Variants in PREP observed in about 807,000 individuals in gnomAD.
PREP encodes prolyl endopeptidase.
Under a neutral mutation model 87.6 loss-of-function variants are expected in PREP, and 29 were observed. The ratio of observed to expected loss-of-function variants is 0.33; its 90% CI spans 0.25 to 0.45. PREP has a LOEUF of 0.45. Among genes scored for constraint, PREP ranks in the 20% least tolerant of loss-of-function variants. The pLI is 1.00. For missense variants in PREP, 695 were observed against 886.5 expected, an observed-to-expected ratio of 0.78 and a Z score of 2.74; for synonymous variants, 337 against 328.6, an observed-to-expected ratio of 1.03 and a Z score of -0.28.
At chr6:105,306,125 G>A (rs1279190674) in intron 10 of PREP, among the ~76,000 whole-genome samples, 3 of 152,120 alleles carry the variant, frequency 2.0e-5, no homozygotes, top group South Asian at 2.1e-4. Flanking sequence ...TTACAAGCGT[G>A]AGCCACCTTG....
At chr6:105,310,200 T>C (rs900037919) in intron 10 of PREP, among the ~76,000 whole-genome samples, 4 of 152,316 alleles carry the variant, frequency 2.6e-5, no homozygotes, top group East Asian at 3.9e-4. Flanking sequence ...TAGCCAGGGA[T>C]TGTATTTTTC....
At chr6:105,304,280 C>T (rs1251704434) in intron 10 of PREP, among the ~76,000 whole-genome samples, 3 of 152,206 alleles carry the variant, frequency 2.0e-5, no homozygotes, top group Non-Finnish European at 4.4e-5. Flanking sequence ...AATGCCGTGC[C>T]ATTTTATATA....
chr6:105,392,048 T>TA (rs997338086), intron 2 of PREP, among the ~76,000 whole-genome samples: 1 of 149,968 alleles, frequency 6.7e-6, no homozygotes, highest in Non-Finnish European at 1.5e-5. Flanking sequence ...CAAATCTTTT[T>TA]TTTTTTTTTT....
chr6:105,355,866 A>T (rs968677425), intron 6 of PREP, among the ~76,000 whole-genome samples: 5 of 151,904 alleles, frequency 3.3e-5, no homozygotes, highest in African/African-American at 7.3e-5. Context: ...TAAACAGATA[A>T]TTTTTCATCT....
intron 8 of PREP, among the ~76,000 whole-genome samples, chr6:105,331,235 G>A (rs183511303): frequency 6.6e-6 from 1 of 152,226 alleles, no homozygotes; most frequent in African/African-American, 2.4e-5. Flanking sequence ...ATGAGTTCTA[G>A]TGAACACTGA....
Position 105,328,946 on chromosome 6 carries a change from G to T in PREP, c.1096C>A (p.Leu366Met), listed in dbSNP as rs1771245224. 1 of 1,614,044 alleles carries T rather than the reference G, an allele frequency of 6.2e-7. No individual in the cohort carries two copies. Among genetic ancestry groups the T allele is most frequent in the African/African-American group, 1.3e-5 (1 of 74,918 alleles). ...DVKNILQLHDLTTGALLKTFP... is the reference protein window; with the variant it reads ...DVKNILQLHDMTTGALLKTFP... ...GTCTTAAGGAGAGCACCAGTAGTCA[G>T]GTCATGGAGCTGCAGAATGTTCTTG... Residue 366 changes from leucine (L) to methionine (M), a missense_variant, in exon 9 of 15, where the codon CTG (leucine) becomes ATG (methionine). Around this residue, in one of 5 missense-constraint regions of PREP, gnomAD observed 517 missense variants for 620.3 expected, o/e 0.83. Coordinates refer to ENST00000652536, the MANE Select transcript of PREP (RefSeq NM_002726.5).
In PREP at chr6:105,275,295, T is replaced by C. The variant is rs112625353; in HGVS notation, c.*2849A>G. ...GACAGGCTTCCTTAGTTGAAACTTA[T>C]CCTTTTCAAACTTGTAGCACCATGT... is the stretch of plus-strand genomic sequence containing the variant. On this transcript the variant is annotated 3_prime_UTR_variant, in exon 15 of 15. Coordinates refer to ENST00000652536, the MANE Select transcript of PREP (RefSeq NM_002726.5). Among the ~76,000 whole-genome samples the C allele has an allele frequency of 4.8e-4, 73 of 152,358 alleles. No individual in the cohort carries two copies. The highest frequency in any genetic ancestry group is 1.4e-3 in the African/African-American group (60 of 41,580).
intron 7 of PREP, among the ~76,000 whole-genome samples, chr6:105,342,795 T>A (rs1771693258): frequency 6.6e-6 from 1 of 152,136 alleles, no homozygotes; most frequent in East Asian, 1.9e-4. Flanking sequence ...ACAAAGAGAA[T>A]AAAATACCTA....
chr6:105,366,659 C>G (rs992974721), intron 6 of PREP, among the ~76,000 whole-genome samples: 2 of 152,192 alleles, frequency 1.3e-5, no homozygotes, highest in African/African-American at 4.8e-5. Context: ...AGCAGCATTA[C>G]TCATAACAAT....
intron 2 of PREP, among the ~76,000 whole-genome samples, chr6:105,387,020 T>C (rs1392609670): frequency 6.6e-6 from 1 of 152,078 alleles, no homozygotes; most frequent in Admixed American, 6.5e-5. Context: ...TAAGACCAGC[T>C]TGGCCAACAT....
intron 5 of PREP, among the ~76,000 whole-genome samples, chr6:105,371,859 C>G (rs575737053): frequency 6.6e-6 from 1 of 152,270 alleles, no homozygotes; most frequent in South Asian, 2.1e-4. Context: ...TTTTGTGCCA[C>G]TGAAAGCTGA....
At position 105,299,930 on chromosome 6, in the gene PREP, T is replaced by C. The variant is rs187547278; in HGVS notation, c.1318-11036A>G. On this transcript the variant is annotated intron_variant, in intron 10 of 14. Transcript: ENST00000652536. ...TTTTTTTTTTGAGACGGAATCTCAC[T>C]CTGTTGTCCAGGCTGGAGTGAAGTG... is the stretch of plus-strand genomic sequence containing the variant. Among the ~76,000 whole-genome samples, 235 of 151,424 alleles carry C rather than the reference T, an allele frequency of 1.6e-3. 1 individual carries two copies. Among genetic ancestry groups the C allele is most frequent in the African/African-American group, 5.5e-3 (227 of 41,190 alleles).
At chr6:105,387,099 C>G (rs1773015438) in intron 2 of PREP, among the ~76,000 whole-genome samples, 1 of 152,030 alleles carries the variant, frequency 6.6e-6, no homozygotes, top group Non-Finnish European at 1.5e-5. Flanking sequence ...TGTAGTCCCA[C>G]CTACTCATGC....
intron 1 of PREP, among the ~76,000 whole-genome samples, chr6:105,398,968 C>T (rs974093047): frequency 6.6e-6 from 1 of 151,920 alleles, no homozygotes; most frequent in Non-Finnish European, 1.5e-5. Flanking sequence ...ATTAGCCGGG[C>T]ATGGTGGCAG....
chr6:105,312,312 A>G (rs1770774999), intron 10 of PREP, among the ~76,000 whole-genome samples: 1 of 152,240 alleles, frequency 6.6e-6, no homozygotes, highest in South Asian at 2.1e-4. Context: ...GAGGAAACAA[A>G]GAGTCATCTA....
At chr6:105,352,132 A>G (rs1771973017) in intron 7 of PREP, among the ~76,000 whole-genome samples, 1 of 152,192 alleles carries the variant, frequency 6.6e-6, no homozygotes, top group African/African-American at 2.4e-5. Context: ...ATCTAGGTCA[A>G]CCCTCTCTAA....
At chr6:105,319,541 G>C (rs2114642185) in intron 10 of PREP, among the ~76,000 whole-genome samples, 1 of 152,332 alleles carries the variant, frequency 6.6e-6, no homozygotes, top group South Asian at 2.1e-4. Context: ...TTCAACCACA[G>C]TACACTATTC....
chr6:105,343,325 T>G (rs1158916655), intron 7 of PREP, among the ~76,000 whole-genome samples: 2 of 149,538 alleles, frequency 1.3e-5, no homozygotes, highest in African/African-American at 4.9e-5. Context: ...GCTAGCCATA[T>G]GTAGAAAGCT....
intron 2 of PREP, among the ~76,000 whole-genome samples, chr6:105,395,475 T>C (rs1327580895): frequency 6.6e-5 from 10 of 152,116 alleles, no homozygotes; most frequent in Non-Finnish European, 1.2e-4. Flanking sequence ...AAGATATATT[T>C]CAGAATTTGA....
Sources: allele counts gnomAD v4.1 joint callset (sites outside exome capture counted in the v4.1 genomes callset), GRCh38; gene constraint gnomAD v4.1.1; regional missense constraint gnomAD v4.1.1; transcripts MANE v1.5; gene names NCBI Gene and HGNC (gene_info 2026-07-23, HGNC 2026-07-21).